The following MDFIC variants were observed in gnomAD, a reference collection of about 807,000 sequenced individuals.
MDFIC encodes the protein MyoD family inhibitor domain containing, also known as myoD family inhibitor domain-containing protein.
In MDFIC, 17 loss-of-function variants were observed where a neutral mutation model predicts 23.2. That is an observed-to-expected ratio of 0.73 (90% CI 0.50 to 1.10). The LOEUF (loss-of-function observed/expected upper bound fraction) is 1.10. Among genes scored for constraint, MDFIC ranks in the 50% least tolerant of loss-of-function variants. The pLI is 0.00. For missense variants in MDFIC, 356 were observed against 316.6 expected, an observed-to-expected ratio of 1.12 and a Z score of -0.95; for synonymous variants, 120 against 115.2, an observed-to-expected ratio of 1.04 and a Z score of -0.27.
rs576597798 is a variant in MDFIC at position 114,979,735 on chromosome 7, C to T, written c.447C>T (p.Ser149=). The T allele has an allele frequency of 6.2e-7, 1 of 1,614,098 alleles. No homozygotes were observed. The highest frequency in any genetic ancestry group is 2.2e-5 in the East Asian group (1 of 44,876). The part of the protein sequence containing the change: ...LSVNSDISKK[S]KVNAVFSQKT... ...TAAACAGCGATATCAGTAAGAAGAG[C>T]AAAGTAAATGCTGTCTTTTCCCAAA... is the stretch of plus-strand genomic sequence containing the variant. Residue 149 remains serine (S), a synonymous_variant, in exon 4 of 5, where the codon AGC becomes AGT. Transcript: ENST00000393486.
At chr7:114,934,679 A>G (rs1792390341) in intron 2 of MDFIC, among the ~76,000 whole-genome samples, 2 of 152,206 alleles carry the variant, frequency 1.3e-5, no homozygotes, top group African/African-American at 4.8e-5. Flanking sequence ...ACTGATAACA[A>G]TGAATTAAAT....
intron 3 of MDFIC, among the ~76,000 whole-genome samples, chr7:114,965,676 G>T (rs1364855671): frequency 2.0e-5 from 3 of 152,240 alleles, no homozygotes; most frequent in East Asian, 1.9e-4. Flanking sequence ...TTTGTAATCT[G>T]GGAGAGTTTT....
intron 4 of MDFIC, among the ~76,000 whole-genome samples, chr7:114,990,339 A>G (rs1426951455): frequency 4.0e-5 from 6 of 151,410 alleles, no homozygotes; most frequent in South Asian, 2.1e-4. Flanking sequence ...TCCTGTTAGC[A>G]CTGTGTTATT....
Position 114,942,261 on chromosome 7 carries a change from C to CT in MDFIC, c.95-8dup. 3 of 1,408,028 alleles carry CT rather than the reference C, an allele frequency of 2.1e-6. No homozygotes were observed. Among genetic ancestry groups the CT allele is most frequent in the Non-Finnish European group, 2.9e-6 (3 of 1,041,434 alleles). The allele number at this position is 1,408,028 out of a possible 1,614,324, so 87.2% of individuals were successfully genotyped here. On this transcript the variant is annotated splice_polypyrimidine_tract_variant and intron_variant, in intron 2 of 4. Coordinates refer to ENST00000393486, the MANE Select transcript of MDFIC (RefSeq NM_001166345.3). ...ATAAAATCAATTATATTAAATGTAT[C>CT]TTTTTTAATTCAGGAAAATGTGATA...
At chr7:114,931,084 T>C (rs1792299889) in intron 2 of MDFIC, among the ~76,000 whole-genome samples, 1 of 147,292 alleles carries the variant, frequency 6.8e-6, no homozygotes, top group Non-Finnish European at 1.5e-5. Context: ...TCTCTCTCTC[T>C]CTTTGTCTTT....
chr7:114,970,204 A>C (rs150130178), intron 3 of MDFIC, among the ~76,000 whole-genome samples: 1 of 152,222 alleles, frequency 6.6e-6, no homozygotes, highest in Non-Finnish European at 1.5e-5. Flanking sequence ...GGGGACCTTC[A>C]TAGCCATCTC....
chr7:114,971,727 A>T (rs1247696424), intron 3 of MDFIC, among the ~76,000 whole-genome samples: 3 of 152,138 alleles, frequency 2.0e-5, no homozygotes, highest in Non-Finnish European at 4.4e-5. Context: ...GATAAAATAT[A>T]GTGGATTTTT....
chr7:115,013,953 C>T, intron 4 of MDFIC: 3 of 979,066 alleles, frequency 3.1e-6, no homozygotes, highest in Non-Finnish European at 3.6e-6. Flanking sequence ...ACTCTCACAA[C>T]TCTGTTTTTG....
chr7:114,993,419 C>T (rs371914850), intron 4 of MDFIC, among the ~76,000 whole-genome samples: 1 of 152,074 alleles, frequency 6.6e-6, no homozygotes. Flanking sequence ...GCTCTTGCTT[C>T]TCTAGTTCTT....
At chr7:114,974,715 T>A (rs965575802) in intron 3 of MDFIC, among the ~76,000 whole-genome samples, 3 of 152,112 alleles carry the variant, frequency 2.0e-5, no homozygotes, top group Non-Finnish European at 4.4e-5. Flanking sequence ...ACCAGTTTTT[T>A]AAAAAAATTG....
At chr7:114,981,740 GT>G (rs1364073041) in intron 4 of MDFIC, among the ~76,000 whole-genome samples, 1 of 152,150 alleles carries the variant, frequency 6.6e-6, no homozygotes, top group African/African-American at 2.4e-5. Flanking sequence ...TTGTTTTATT[GT>G]GATTGCTTGA....
chr7:114,968,815 T>C (rs995915262), intron 3 of MDFIC, among the ~76,000 whole-genome samples: 13 of 152,200 alleles, frequency 8.5e-5, no homozygotes, highest in Non-Finnish European at 1.2e-4. Context: ...TGGAAATGTA[T>C]AATAATAGAA....
At chr7:114,984,525 C>T (rs1266998593) in intron 4 of MDFIC, among the ~76,000 whole-genome samples, 1 of 151,888 alleles carries the variant, frequency 6.6e-6, no homozygotes, top group African/African-American at 2.4e-5. Context: ...AAAAAAAAAC[C>T]ATGTGGCAAA....
intron 4 of MDFIC, among the ~76,000 whole-genome samples, chr7:114,983,712 C>T (rs571990283): frequency 4.9e-4 from 74 of 151,794 alleles, no homozygotes; most frequent in Admixed American, 7.2e-4. Context: ...GAATTACAGG[C>T]GCCCACCACC....
intron 4 of MDFIC, among the ~76,000 whole-genome samples, chr7:115,003,239 C>T (rs1791498468): frequency 6.6e-6 from 1 of 152,218 alleles, no homozygotes; most frequent in Admixed American, 6.5e-5. Context: ...TGAGTACATT[C>T]TTCCTGGGTG....
intron 3 of MDFIC, among the ~76,000 whole-genome samples, chr7:114,977,415 G>C (rs953395470): frequency 6.6e-6 from 1 of 152,096 alleles, no homozygotes; most frequent in Middle Eastern, 3.2e-3. Context: ...GTTTTGCTAG[G>C]AGGTGAGGGA....
chr7:114,987,792 G>T (rs1793539225), intron 4 of MDFIC, among the ~76,000 whole-genome samples: 1 of 151,952 alleles, frequency 6.6e-6, no homozygotes. Context: ...ATTTAAATTA[G>T]CTGTCTTTTT....
intron 2 of MDFIC, among the ~76,000 whole-genome samples, chr7:114,930,390 C>A (rs915180660): frequency 6.6e-6 from 1 of 152,104 alleles, no homozygotes; most frequent in African/African-American, 2.4e-5. Flanking sequence ...GTATTCCAGG[C>A]TGGGAAGAGA....
chr7:114,934,552 A>T lies in MDFIC; in HGVS notation c.95-7723A>T, dbSNP rs74394686. ...AAACCTATAAAGTGATTGAGTCAGT[A>T]TCATTTTCCCACCATTCTTTTGGGT... On this transcript the variant is annotated intron_variant, in intron 2 of 4. Coordinates refer to ENST00000393486, the MANE Select transcript of MDFIC (RefSeq NM_001166345.3). Among the ~76,000 whole-genome samples, 250 of 152,328 alleles carry T rather than the reference A, an allele frequency of 1.6e-3. 9 individuals carry two copies. In the East Asian group the frequency reaches 0.044, roughly 27 times the overall value.
Sources: gnomAD v4.1 joint callset for allele counts (sites outside exome capture counted in the v4.1 genomes callset) on GRCh38, gnomAD v4.1.1 for gene constraint, MANE v1.5 for transcripts, NCBI Gene and HGNC (gene_info 2026-07-23, HGNC 2026-07-21) for gene names.